The following KLHL1 variants were observed in gnomAD, a reference collection of about 807,000 sequenced individuals.
KLHL1 encodes kelch-like protein 1.
Under a neutral mutation model 77.7 loss-of-function variants are expected in KLHL1, and 47 were observed. The ratio of observed to expected loss-of-function variants is 0.60; its 90% CI spans 0.48 to 0.77. KLHL1 has a LOEUF of 0.77. Among genes scored for constraint, KLHL1 ranks in the 30% least tolerant of loss-of-function variants. KLHL1 has a pLI of 0.00. For synonymous variants in KLHL1, 360 were observed against 325.2 expected (o/e 1.11, Z -1.15); for missense variants, 925 against 910.8 (o/e 1.02, Z -0.20).
At chr13:69,892,638 G>T (rs1881466135) in intron 4 of KLHL1, among the ~76,000 whole-genome samples, 1 of 152,000 alleles carries the variant, frequency 6.6e-6, no homozygotes, top group Non-Finnish European at 1.5e-5. Context: ...AGGAACTAAA[G>T]AATTTTATTG....
chr13:70,050,295 C>T (rs928816887), intron 1 of KLHL1, among the ~76,000 whole-genome samples: 9 of 151,560 alleles, frequency 5.9e-5, no homozygotes, highest in Middle Eastern at 3.2e-3. Context: ...AGAAATCTAC[C>T]CATAAAATTC....
intron 1 of KLHL1, among the ~76,000 whole-genome samples, chr13:70,012,082 C>G (rs771820177): frequency 1.3e-5 from 2 of 151,976 alleles, no homozygotes; most frequent in Non-Finnish European, 2.9e-5. Flanking sequence ...GAGAAAGACC[C>G]ACCCCCATGA....
rs1251025249 is a variant in KLHL1, at chr13:69,736,690, G to GTA, written c.1802+3702_1802+3703dup. ...TAAAGAGATTGTGAGATATATATAT[G>GTA]TATATATATATACACACACCATGGA... On this transcript the variant is annotated intron_variant, in intron 8 of 10. Coordinates refer to ENST00000377844, the MANE Select transcript of KLHL1 (RefSeq NM_020866.3). Among the ~76,000 whole-genome samples, 32 of 135,514 alleles carry GTA rather than the reference G, an allele frequency of 2.4e-4. 1 individual carries two copies. The highest frequency in any genetic ancestry group is 8.5e-4 in the South Asian group (4 of 4,732). 88.9% of individuals were successfully genotyped at this position (135,514 alleles called of 152,430 possible). A position where few individuals can be genotyped will look rare whatever the true frequency, so the allele number is the denominator to read the frequency against.
chr13:69,938,040 C>A lies in KLHL1; in HGVS notation c.1014+2000G>T, dbSNP rs535094030. The stretch of plus-strand genomic sequence containing the variant: ...TAAAGCAGTTAAGGAGAAAAAAAAA[C>A]ACACACAATATGTTTGCTTTCAAAG... On this transcript the variant is annotated intron_variant, in intron 4 of 10. Transcript: ENST00000377844. Among the ~76,000 whole-genome samples the A allele has an allele frequency of 2.4e-4, 36 of 151,636 alleles. 1 individual carries two copies. Among genetic ancestry groups the A allele is most frequent in the African/African-American group, 8.5e-4 (35 of 41,388 alleles).
At chr13:69,906,426 C>T (rs546919752) in intron 4 of KLHL1, among the ~76,000 whole-genome samples, 4 of 151,888 alleles carry the variant, frequency 2.6e-5, no homozygotes, top group East Asian at 1.9e-4. Flanking sequence ...ATTAAGGTAT[C>T]GGCTGTATTT....
At chr13:69,854,167 T>C (rs1463612758) in intron 5 of KLHL1, among the ~76,000 whole-genome samples, 2 of 152,032 alleles carry the variant, frequency 1.3e-5, no homozygotes, top group African/African-American at 4.8e-5. Flanking sequence ...TAGAATTGAA[T>C]ACCTGAGACT....
intron 8 of KLHL1, among the ~76,000 whole-genome samples, chr13:69,733,572 CA>C (rs1873641636): frequency 6.6e-6 from 1 of 152,062 alleles, no homozygotes; most frequent in Admixed American, 6.6e-5. Context: ...TAAACTTCAA[CA>C]GAAGATATAC....
chr13:69,783,644 C>A (rs567590927), intron 7 of KLHL1, among the ~76,000 whole-genome samples: 1 of 144,796 alleles, frequency 6.9e-6, no homozygotes, highest in Non-Finnish European at 1.5e-5. Context: ...TAAAAAGAAA[C>A]GAACAAAGCC....
chr13:69,726,025 G>T (rs1873283902), intron 8 of KLHL1, among the ~76,000 whole-genome samples: 1 of 152,028 alleles, frequency 6.6e-6, no homozygotes, highest in Non-Finnish European at 1.5e-5. Context: ...ATCCCATTTT[G>T]TCTTGTTCCC....
intron 4 of KLHL1, among the ~76,000 whole-genome samples, chr13:69,923,687 T>A (rs138964920): frequency 4.6e-5 from 7 of 152,224 alleles, no homozygotes; most frequent in African/African-American, 1.7e-4. Flanking sequence ...TGAGAGACAA[T>A]ATAGTACTGA....
intron 7 of KLHL1, among the ~76,000 whole-genome samples, chr13:69,777,764 A>G (rs1392175612): frequency 6.6e-6 from 1 of 152,100 alleles, no homozygotes; most frequent in African/African-American, 2.4e-5. Flanking sequence ...GAGCACCCTT[A>G]CTCATTGTAT....
At chr13:69,857,072 T>C (rs892909065) in intron 5 of KLHL1, among the ~76,000 whole-genome samples, 1 of 152,092 alleles carries the variant, frequency 6.6e-6, no homozygotes, top group East Asian at 1.9e-4. Flanking sequence ...GAACACTGTA[T>C]AAAACTCTCC....
rs138824346 is a variant in KLHL1, at chr13:69,989,650, T to C, written c.498-13848A>G. On this transcript the variant is annotated intron_variant, in intron 1 of 10. Transcript: ENST00000377844. ...TATGATTACTTTGAGGAGTGTTTTG[T>C]AATTCTCATTGTAGAGATCCTTCAC... 1.5e-3 allele frequency among the ~76,000 whole-genome samples: 234 copies of C among 152,152 alleles called. 2 individuals are homozygous for C. Among genetic ancestry groups the C allele is most frequent in the African/African-American group, 5.4e-3 (223 of 41,548 alleles).
chr13:69,935,920 G>T (rs1292761244), intron 4 of KLHL1, among the ~76,000 whole-genome samples: 1 of 152,140 alleles, frequency 6.6e-6, no homozygotes, highest in Non-Finnish European at 1.5e-5. Flanking sequence ...AATGGAGAAT[G>T]CTTCTTCTCT....
chr13:69,784,313 G>A (rs1291382258), intron 7 of KLHL1, among the ~76,000 whole-genome samples: 1 of 149,736 alleles, frequency 6.7e-6, no homozygotes, highest in East Asian at 1.9e-4. Context: ...CATAATGACA[G>A]GACCAAACTC....
At chr13:69,864,208 AAG>A (rs1283755472) in intron 5 of KLHL1, among the ~76,000 whole-genome samples, 1 of 152,028 alleles carries the variant, frequency 6.6e-6, no homozygotes, top group Non-Finnish European at 1.5e-5. Context: ...GGTCATAAAA[AAG>A]AGTAAAATGA....
chr13:69,847,066 A>G (rs2138124331), intron 5 of KLHL1, among the ~76,000 whole-genome samples: 1 of 151,566 alleles, frequency 6.6e-6, no homozygotes, highest in South Asian at 2.1e-4. Flanking sequence ...CCTCTTGTCT[A>G]GAATCCTTGT....
At chr13:69,786,811 T>C (rs941186445) in intron 7 of KLHL1, among the ~76,000 whole-genome samples, 3 of 152,184 alleles carry the variant, frequency 2.0e-5, no homozygotes, top group Non-Finnish European at 4.4e-5. Context: ...CAGCAAAGTC[T>C]CAGGATACAA....
At chr13:69,726,419 T>C (rs1306052857) in intron 8 of KLHL1, among the ~76,000 whole-genome samples, 1 of 152,178 alleles carries the variant, frequency 6.6e-6, no homozygotes, top group Non-Finnish European at 1.5e-5. Context: ...TATATCTGCC[T>C]TTCCATGGGA....
Sources: gnomAD v4.1 joint callset for allele counts (sites outside exome capture counted in the v4.1 genomes callset) on GRCh38, gnomAD v4.1.1 for gene constraint, MANE v1.5 for transcripts, NCBI Gene and HGNC (gene_info 2026-07-23, HGNC 2026-07-21) for gene names.